ING5: variants seen among roughly 807,000 people sequenced by gnomAD.
ING5 encodes inhibitor of growth protein 5.
ING5 carries 17 observed loss-of-function variants against 37.4 expected under a neutral mutation model. That is an observed-to-expected ratio of 0.45 (90% CI 0.31 to 0.68). The LOEUF is 0.68. Ranked by LOEUF, ING5 falls within the 30% of genes least tolerant of loss-of-function variation. The probability of loss-of-function intolerance (pLI) is 0.05; values close to 1 mark genes in which losing one functional copy is unlikely to be tolerated. For missense variants in ING5, 233 were observed against 311.9 expected (o/e 0.75, Z 1.91); for synonymous variants, 123 against 116.6 (o/e 1.06, Z -0.36).
chr2:241,725,273 A>G lies in ING5; in HGVS notation c.*242A>G, dbSNP rs1691568200. On this transcript the variant is annotated 3_prime_UTR_variant, in exon 8 of 8. Coordinates refer to ENST00000313552, the MANE Select transcript of ING5 (RefSeq NM_032329.6). ...TTTTACAGGACTCCCCCCGAGCATC[A>G]GCAGGGACCCCGGCGGACGTGGGCG... is the stretch of plus-strand genomic sequence containing the variant. 1 of 540,858 alleles carries G rather than the reference A, an allele frequency of 1.8e-6. No individual in the cohort carries two copies. The highest frequency in any genetic ancestry group is 1.9e-5 in the African/African-American group (1 of 52,000). The allele number at this position is 540,858 out of a possible 1,614,324, so 33.5% of individuals were successfully genotyped here. A position where few individuals can be genotyped will look rare whatever the true frequency, so the allele number is the denominator to read the frequency against.
Position 241,709,274 on chromosome 2 carries a change from G to A in ING5, c.168G>A (p.Leu56=). The change falls in exon 3 of 8, where the codon CTG becomes CTA. Residue 56 remains leucine (L), a synonymous_variant. Transcript: ENST00000313552. ...AGTACATCTCCACGGTGAAGACGCT[G>A]TCTCCAGACCAGCGCGTGGAGCGCC... ...AAEYISTVKT[L]SPDQRVERLQ... is the part of the protein sequence containing the mutation. 1 of 1,614,126 alleles carries A rather than the reference G, an allele frequency of 6.2e-7. No homozygotes were observed. Among genetic ancestry groups the A allele is most frequent in the Non-Finnish European group, 8.5e-7 (1 of 1,180,010 alleles).
upstream of ING5, among the ~76,000 whole-genome samples, chr2:241,698,496 AGT>A (rs199798593): frequency 0.1 from 14,742 of 147,336 alleles, 848 homozygotes; most frequent in East Asian, 0.18. Flanking sequence ...ATAATAGAGG[AGT>A]GTGTGTGTGT....
rs963468816 is a variant in ING5 at position 241,725,087 on chromosome 2, C to G, written c.*56C>G. The G allele has an allele frequency of 1.3e-6, 2 of 1,562,136 alleles. No individual in the cohort carries two copies. The highest frequency in any genetic ancestry group is 1.8e-6 in the Non-Finnish European group (2 of 1,132,652). On this transcript the variant is annotated 3_prime_UTR_variant, in exon 8 of 8. Coordinates refer to ENST00000313552, the MANE Select transcript of ING5 (RefSeq NM_032329.6). ...AGTTAATCTGTCCCTTCATTCGTGTCGCAATATTTCCCTTCCTTTTAAAAC... is the reference window on the plus strand; with the variant it reads ...AGTTAATCTGTCCCTTCATTCGTGTGGCAATATTTCCCTTCCTTTTAAAAC...
At position 241,696,079 on chromosome 2, in the gene ING5, A is replaced by G. The variant is rs182044333; in HGVS notation, c.43+5426A>G. On this transcript the variant is annotated intron_variant, in intron 2 of 7. Transcript: ENST00000636051. ...ACCACTGTCCTCCAGCCTGGGCGACAATGTGAGATCCTGTCTCAAAAAACA... is the reference window on the plus strand; with the variant it reads ...ACCACTGTCCTCCAGCCTGGGCGACGATGTGAGATCCTGTCTCAAAAAACA... Among the ~76,000 whole-genome samples the G allele has an allele frequency of 2.4e-3, 373 of 152,262 alleles. 1 individual carries two copies. Among genetic ancestry groups the G allele is most frequent in the African/African-American group, 8.5e-3 (355 of 41,570 alleles).
upstream of ING5, among the ~76,000 whole-genome samples, chr2:241,697,100 T>C (rs536443949): frequency 1.3e-3 from 191 of 146,632 alleles, 2 homozygotes; most frequent in African/African-American, 4.4e-3. Context: ...ATAATAATAA[T>C]ATAATAATCA....
intron 5 of ING5, among the ~76,000 whole-genome samples, chr2:241,717,128 G>A (rs2124933725): frequency 6.6e-6 from 1 of 150,778 alleles, no homozygotes; most frequent in African/African-American, 2.4e-5. Context: ...AGGCTGGAGT[G>A]CAGTGGTGCG....
chr2:241,711,296 C>T (rs1428384619), intron 3 of ING5, 81 bp from the exon 4 acceptor site: 66 of 966,836 alleles, frequency 6.8e-5, no homozygotes, highest in Non-Finnish European at 6.3e-5. Flanking sequence ...AAGGTGTTTC[C>T]TGGTGGATAC....
Position 241,709,316 on chromosome 2 carries a change from C to T in ING5, c.210C>T (p.Asn70=), listed in dbSNP as rs200433676. 1.1e-4 allele frequency: 171 copies of T among 1,614,102 alleles called. No individual in the cohort carries two copies. Among genetic ancestry groups the T allele is most frequent in the African/African-American group, 3.5e-4 (26 of 75,012 alleles). ...TGGAGCGCCTGCAGAAGATCCAGAA[C>T]GCCTACAGCAAGTGCAAGGAATACA... is the stretch of plus-strand genomic sequence containing the variant. ...QRVERLQKIQ[N]AYSKCKEYSD... The change falls in exon 3 of 8, where the codon AAC becomes AAT. Residue 70 remains asparagine, a synonymous_variant. Transcript: ENST00000313552.
chr2:241,723,350 C>T, intron 7 of ING5, 79 bp downstream of exon 7: 1 of 1,429,466 alleles, frequency 7.0e-7, no homozygotes, highest in Non-Finnish European at 9.9e-7. Flanking sequence ...AGAAGGTGCT[C>T]CATGGCAGAA....
chr2:241,722,361 C>G, intron 5 of ING5: 2 of 985,270 alleles, frequency 2.0e-6, no homozygotes, highest in Non-Finnish European at 2.4e-6. Flanking sequence ...GAGGAGGGAC[C>G]GAGATGAGAG....
chr2:241,716,811 T>A (rs1353094593), intron 5 of ING5, among the ~76,000 whole-genome samples: 3 of 152,160 alleles, frequency 2.0e-5, no homozygotes, highest in Admixed American at 2.0e-4. Context: ...GAAACACGCC[T>A]TAAAATATAT....
intron 2 of ING5, chr2:241,694,070 T>C (rs534451759): frequency 2.6e-4 from 40 of 152,072 alleles, no homozygotes; most frequent in African/African-American, 8.7e-4. Context: ...ATATATGATA[T>C]GTGAGGGCCA....
At chr2:241,709,157 C>T in intron 2 of ING5, 59 bp from the exon 3 acceptor site, 1 of 1,527,982 alleles carries the variant, frequency 6.5e-7, no homozygotes. Flanking sequence ...TGTTGCCAGT[C>T]TGGTGAGCAC....
chr2:241,688,094 A>G (rs1293518540), intron 1 of ING5: 2 of 152,268 alleles, frequency 1.3e-5, no homozygotes, highest in South Asian at 2.1e-4. Context: ...GATATCTAAA[A>G]TACTACTATC....
Position 241,719,828 on chromosome 2 carries a change from A to T in ING5, c.483-3111A>T, listed in dbSNP as rs749063774. 3.6e-6 allele frequency: 5 copies of T among 1,405,984 alleles called. No homozygotes were observed. In the Admixed American group the frequency reaches 1.5e-4, roughly 42 times the overall value. The allele number at this position is 1,405,984 out of a possible 1,614,324, so 87.1% of individuals were successfully genotyped here. On this transcript the variant is annotated intron_variant, in intron 5 of 7. Transcript: ENST00000313552. The stretch of plus-strand genomic sequence containing the variant: ...CGCTGACCAGCACTGTTTAGTAGCA[A>T]TGCGGAGCCTGGGAGCTCAGCGCTG...
At chr2:241,687,568 C>T in exon 1 of ING5, 1 of 377,304 alleles carries the variant, frequency 2.7e-6, no homozygotes, top group Non-Finnish European at 4.7e-6. Flanking sequence ...CGCTCTGTCA[C>T]CCAGGCTGGA....
At chr2:241,687,128 G>T in exon 1 of ING5, 1 of 388,682 alleles carries the variant, frequency 2.6e-6, no homozygotes, top group Non-Finnish European at 4.5e-6. Flanking sequence ...GGGCGCGGAC[G>T]AGGGGAGCGC....
rs1011209771 is a variant in ING5, at chr2:241,709,497, G to A, written c.276+115G>A. 5 of 919,096 alleles carry A rather than the reference G, an allele frequency of 5.4e-6. No individual in the cohort carries two copies. The African/African-American group carries it at 6.7e-5, about 12-fold the overall frequency. 56.9% of individuals were successfully genotyped at this position (919,096 alleles called of 1,614,324 possible). A position where few individuals can be genotyped will look rare whatever the true frequency, so the allele number is the denominator to read the frequency against. On this transcript the variant is annotated intron_variant, in intron 3 of 7. Transcript: ENST00000313552. ...ATAGCCAAGTGGAAGGCTGGCTTTG[G>A]TAGCTGACGCTGCTGGAGGAAGTGC...
At position 241,726,310 on chromosome 2, in the gene ING5, A is replaced by G. The variant is rs979904335; in HGVS notation, c.*1279A>G. ...TTCTTCATGGTGGGGGGCCATTTGG[A>G]ATGACAGCCTCACTTCCTTCTGATG... is the stretch of plus-strand genomic sequence containing the variant. On this transcript the variant is annotated 3_prime_UTR_variant, in exon 8 of 8. Transcript: ENST00000313552. 1 of 152,192 alleles carries G rather than the reference A, an allele frequency of 6.6e-6. No homozygotes were observed. Among genetic ancestry groups the G allele is most frequent in the African/African-American group, 2.4e-5 (1 of 41,440 alleles). The allele number at this position is 152,192 out of a possible 1,614,324, so 9.4% of individuals were successfully genotyped here.
Sources: allele counts gnomAD v4.1 joint callset (sites outside exome capture counted in the v4.1 genomes callset), GRCh38; gene constraint gnomAD v4.1.1; transcripts MANE v1.5; gene names NCBI Gene and HGNC (gene_info 2026-07-23, HGNC 2026-07-21).